The following COL16A1 variants were observed in gnomAD, a reference collection of about 807,000 sequenced individuals.
COL16A1 encodes collagen type XVI alpha 1 chain.
Under a neutral mutation model 266.3 loss-of-function variants are expected in COL16A1, and 189 were observed. The ratio of observed to expected loss-of-function variants is 0.71; its 90% CI spans 0.63 to 0.80. The LOEUF is 0.80. Among genes scored for constraint, COL16A1 ranks in the 30% least tolerant of loss-of-function variants. COL16A1 has a pLI of 0.00. For synonymous variants in COL16A1, 740 were observed against 782.3 expected (o/e 0.95, Z 0.90); for missense variants, 1,928 against 2,122.4 (o/e 0.91, Z 1.80).
chr1:31,666,267 C>T (rs1642136711), intron 52 of COL16A1, 186 bp from the exon 53 acceptor site: 1 of 640,326 alleles, frequency 1.6e-6, no homozygotes, highest in Non-Finnish European at 2.6e-6. Flanking sequence ...AACCAGCCTC[C>T]TAACTCGTCC....
chr1:31,658,640 G>C, intron 63 of COL16A1, 63 bp from the exon 64 acceptor site: 5 of 1,401,974 alleles, frequency 3.6e-6, no homozygotes, highest in Non-Finnish European at 4.0e-6. Context: ...CTCCCATATA[G>C]CCAGAGACAG....
At chr1:31,672,053 G>A (rs1401569431) in intron 47 of COL16A1, among the ~76,000 whole-genome samples, 2 of 152,214 alleles carry the variant, frequency 1.3e-5, no homozygotes, top group Non-Finnish European at 2.9e-5. Context: ...GATGTTGGAT[G>A]GTGATGAGTA....
chr1:31,659,065 C>T (rs1484503812), intron 62 of COL16A1, 101 bp from the exon 63 acceptor site: 3 of 1,071,094 alleles, frequency 2.8e-6, no homozygotes, highest in African/African-American at 3.1e-5. Context: ...ACTTCAGCAG[C>T]TCCATTTCCT....
At chr1:31,680,176 G>T (rs963369943) in intron 39 of COL16A1, 75 bp from the exon 40 acceptor site, 16 of 1,555,058 alleles carry the variant, frequency 1.0e-5, no homozygotes, top group African/African-American at 1.4e-5. Context: ...CGAGAGGCAC[G>T]TGGGCTCTAG....
chr1:31,681,503 C>T (rs1311310789), intron 37 of COL16A1, among the ~76,000 whole-genome samples: 2 of 152,184 alleles, frequency 1.3e-5, no homozygotes, highest in Non-Finnish European at 2.9e-5. Context: ...ATCTGTTGAC[C>T]TAACTGGGAG....
rs560410609 is a variant in COL16A1, at chr1:31,684,172, C to A, written c.2220G>T (p.Arg740=). The A allele has an allele frequency of 1.6e-5, 24 of 1,543,678 alleles. No homozygotes were observed. The Admixed American group carries it at 1.8e-4, about 11-fold the overall frequency. Residue 740 remains arginine (R), a synonymous_variant, in exon 32 of 71, where the codon CGG becomes CGT. Transcript: ENST00000373672. ...CTCCTTTGGGGCCGGGCTGCCCAGG[C>A]CGTCCTGCCATGTCTGTCACTGTCC... The part of the protein sequence containing the change: ...LQGTVTDMAG[R]PGQPGPKGEQ...
At chr1:31,702,001 A>C in intron 2 of COL16A1, 120 bp downstream of exon 2, 1 of 1,498,794 alleles carries the variant, frequency 6.7e-7, no homozygotes, top group Admixed American at 1.8e-5. Context: ...CCCAGCCCCT[A>C]GACTCTGCTA....
chr1:31,672,806 G>A lies in COL16A1; in HGVS notation c.2894C>T (p.Ala965Val). 1 of 1,614,078 alleles carries A rather than the reference G, an allele frequency of 6.2e-7. No individual in the cohort carries two copies. The highest frequency in any genetic ancestry group is 1.1e-5 in the South Asian group (1 of 91,078). The change falls in exon 45 of 71, where the codon GCC (alanine) becomes GTC (valine). Residue 965 changes from alanine to valine, a missense_variant. By Grantham distance (64) the Ala-to-Val change is moderately conservative. Coordinates refer to ENST00000373672, the MANE Select transcript of COL16A1 (RefSeq NM_001856.4). ...ICGDCVQGQR[A>V]HPGYLVEKGE... ...CTTCTCCACGAGGTACCCTGGGTGG[G>A]CCCTCTGCCCCTGGACACAGTCCCC...
Position 31,679,635 on chromosome 1 carries a change from C to G in COL16A1, c.2769G>C (p.Leu923=). ...GPPGPPGVPG[L]QGVPGNNGLP... ...TCATTCTCTTCTCCCCCTTTACCTG[C>G]AGCCCAGGTACTCCAGGGGGGCCTG... Residue 923 remains leucine, a synonymous_variant, in exon 42 of 71, where the codon CTG becomes CTC. Coordinates refer to ENST00000373672, the MANE Select transcript of COL16A1 (RefSeq NM_001856.4). 2 of 1,614,236 alleles carry G rather than the reference C, an allele frequency of 1.2e-6. No homozygotes were observed. Among genetic ancestry groups the G allele is most frequent in the Non-Finnish European group, 1.7e-6 (2 of 1,180,046 alleles).
chr1:31,689,646 AC>A, intron 23 of COL16A1, 94 bp downstream of exon 23: 1 of 966,154 alleles, frequency 1.0e-6, no homozygotes, highest in Non-Finnish European at 1.7e-6. Flanking sequence ...CACGAGAAGT[AC>A]CCAGCCCCTC....
intron 3 of COL16A1, 40 bp from the exon 4 acceptor site, chr1:31,699,970 G>C (rs1423695905): frequency 4.4e-6 from 7 of 1,601,884 alleles, no homozygotes; most frequent in Non-Finnish European, 5.1e-6. Flanking sequence ...AGCTGAGCAG[G>C]TGGAGAGGGG....
chr1:31,693,131 C>T lies in COL16A1; in HGVS notation c.1032G>A (p.Leu344=). The T allele has an allele frequency of 6.2e-7, 1 of 1,611,604 alleles. No individual in the cohort carries two copies. The highest frequency in any genetic ancestry group is 8.5e-7 in the Non-Finnish European group (1 of 1,177,916). ...CTCCCTTGGAGCCTGGTGGACCAGG[C>T]AGGCCCCGCTCACCTTTCCCTCCCT... The part of the protein sequence containing the change: ...GPKGGKGERG[L]PGPPGSKGEK... Residue 344 remains leucine, a synonymous_variant, in exon 13 of 71, where the codon CTG becomes CTA. Coordinates refer to ENST00000373672, the MANE Select transcript of COL16A1 (RefSeq NM_001856.4).
chr1:31,667,538 G>T lies in COL16A1; in HGVS notation c.3357+37C>A, dbSNP rs768092588. ...AGCCCGAGACTGTGTGGCTCCACGT[G>T]CAGCCCTGCATCCAGCCCCACGCCG... is the stretch of plus-strand genomic sequence containing the variant. On this transcript the variant is annotated intron_variant, in intron 52 of 70. Coordinates refer to ENST00000373672, the MANE Select transcript of COL16A1 (RefSeq NM_001856.4). The T allele has an allele frequency of 6.4e-6, 10 of 1,552,476 alleles. No individual in the cohort carries two copies. The African/African-American group carries it at 9.5e-5, about 15-fold the overall frequency.
At chr1:31,654,577 T>G (rs1459846663) in intron 68 of COL16A1, among the ~76,000 whole-genome samples, 1 of 152,188 alleles carries the variant, frequency 6.6e-6, no homozygotes, top group Admixed American at 6.5e-5. Context: ...GCTCGGGGAA[T>G]GCAGGAGGGA....
chr1:31,670,631 G>A lies in COL16A1; in HGVS notation c.3166C>T (p.Pro1056Ser). The A allele has an allele frequency of 2.1e-6, 3 of 1,426,570 alleles. No individual in the cohort carries two copies. Among genetic ancestry groups the A allele is most frequent in the Non-Finnish European group, 2.7e-6 (3 of 1,094,252 alleles). The allele number at this position is 1,426,570 out of a possible 1,614,324, so 88.4% of individuals were successfully genotyped here. A position where few individuals can be genotyped will look rare whatever the true frequency, so the allele number is the denominator to read the frequency against. ...PPGPIGPPGF[P>S]GAVGSPGLPG... ...AATCCGGGGGAGCCAACAGCACCAG[G>A]AAAACCTGGGGGGCCCTGGTGGGAG... Residue 1056 changes from proline to serine, a missense_variant, in exon 49 of 71, where the codon CCT (proline) becomes TCT (serine). Coordinates refer to ENST00000373672, the MANE Select transcript of COL16A1 (RefSeq NM_001856.4). The surrounding 1 kb of genome is among the most constrained non-coding windows in gnomAD (Gnocchi z 4.5).
rs1644810402 is a variant in COL16A1, at chr1:31,703,955, C to T, written c.-153G>A. The T allele has an allele frequency of 6.6e-6, 1 of 152,308 alleles. No individual in the cohort carries two copies. The highest frequency in any genetic ancestry group is 1.5e-5 in the Non-Finnish European group (1 of 68,104). The allele number at this position is 152,308 out of a possible 1,614,324, so 9.4% of individuals were successfully genotyped here. A position where few individuals can be genotyped will look rare whatever the true frequency, so the allele number is the denominator to read the frequency against. ...ATCTCTCCGTGACGGTCACGGGTCC[C>T]CAGCTTCCTGGCGCTCGAGCTCTCC... On this transcript the variant is annotated 5_prime_UTR_variant, in exon 1 of 71. Coordinates refer to ENST00000373672, the MANE Select transcript of COL16A1 (RefSeq NM_001856.4).
chr1:31,666,116 C>T lies in COL16A1; in HGVS notation c.3358-35G>A, dbSNP rs928011780. 3.1e-6 allele frequency: 5 copies of T among 1,597,050 alleles called. No homozygotes were observed. In the African/African-American group the frequency reaches 5.6e-5, roughly 18 times the overall value. ...CAAAGGAACAGAATCAGTCACTCCT[C>T]CTGGGGAGGTGAAGGATGAGGTAGG... On this transcript the variant is annotated intron_variant, in intron 52 of 70. Coordinates refer to ENST00000373672, the MANE Select transcript of COL16A1 (RefSeq NM_001856.4).
chr1:31,691,852 C>T (rs963946981), intron 17 of COL16A1, among the ~76,000 whole-genome samples, 153 bp downstream of exon 17: 2 of 151,998 alleles, frequency 1.3e-5, no homozygotes, highest in Admixed American at 1.3e-4. Context: ...GGCTCAGGTC[C>T]TTTTCTGTCC....
At position 31,671,642 on chromosome 1, in the gene COL16A1, C is replaced by T; in HGVS notation, c.3123G>A (p.Arg1041=). The change falls in exon 48 of 71, where the codon AGG becomes AGA. Residue 1041 remains arginine, a synonymous_variant. Transcript: ENST00000373672. ...QRGEEGPPGM[R]GSPGPPGPIG... is the part of the protein sequence containing the mutation. Reference sequence around the variant, plus strand: ...TAGGGCCTGGAGGACCCGGGGAGCCCCTCATGCCAGGCGGACCCTGCAAAG... The same window carrying T: ...TAGGGCCTGGAGGACCCGGGGAGCCTCTCATGCCAGGCGGACCCTGCAAAG... 1 of 1,614,086 alleles carries T rather than the reference C, an allele frequency of 6.2e-7. No homozygotes were observed. The highest frequency in any genetic ancestry group is 8.5e-7 in the Non-Finnish European group (1 of 1,180,010).
Sources: allele counts gnomAD v4.1 joint callset (sites outside exome capture counted in the v4.1 genomes callset), GRCh38; gene constraint gnomAD v4.1.1; non-coding constraint Gnocchi (gnomAD v3.1); transcripts MANE v1.5; gene names NCBI Gene and HGNC (gene_info 2026-07-23, HGNC 2026-07-21).